The following DENND1A variants were observed in gnomAD, a reference collection of about 807,000 sequenced individuals.
The protein encoded by DENND1A is DENN domain-containing protein 1A.
DENND1A carries 51 observed loss-of-function variants against 113.7 expected under a neutral mutation model. The observed-to-expected ratio is 0.45, with a 90% confidence interval of 0.36 to 0.57. DENND1A has a LOEUF of 0.57. Ranked by LOEUF, DENND1A falls within the 20% of genes least tolerant of loss-of-function variation. The pLI is 0.00. For missense variants in DENND1A, 1,258 were observed against 1,395.9 expected (o/e 0.90, Z 1.57); for synonymous variants, 565 against 570.8 (o/e 0.99, Z 0.14).
chr9:123,404,531 GGGAA>G (rs1231515223), intron 20 of DENND1A, among the ~76,000 whole-genome samples: 9 of 152,098 alleles, frequency 5.9e-5, no homozygotes, highest in African/African-American at 2.2e-4. Flanking sequence ...AGACAGGGAA[GGGAA>G]GCAGGCACAC....
intron 2 of DENND1A, among the ~76,000 whole-genome samples, chr9:123,848,377 G>A (rs1039142305): frequency 6.6e-6 from 1 of 151,502 alleles, no homozygotes; most frequent in Non-Finnish European, 1.5e-5. Context: ...CTGTTATGAT[G>A]ATCAGTGATC....
Position 123,852,233 on chromosome 9 carries a change from A to T in DENND1A, c.88+26718T>A, listed in dbSNP as rs191351492. On this transcript the variant is annotated intron_variant, in intron 2 of 23. Transcript: ENST00000394215. ...CTTGAGAAGCTATACTTAAGAAGTCATATCTAAGTTTCTCATCCTCACCTA... is the reference window on the plus strand; with the variant it reads ...CTTGAGAAGCTATACTTAAGAAGTCTTATCTAAGTTTCTCATCCTCACCTA... Among the ~76,000 whole-genome samples, 106 of 152,292 alleles carry T rather than the reference A, an allele frequency of 7.0e-4. 3 individuals carry two copies. The East Asian group carries it at 0.014, about 20-fold the overall frequency.
chr9:123,675,993 A>C (rs1398782615), intron 6 of DENND1A, among the ~76,000 whole-genome samples: 2 of 152,248 alleles, frequency 1.3e-5, no homozygotes, highest in Non-Finnish European at 2.9e-5. Context: ...CAATAATAGG[A>C]AAATGCTTTG....
At chr9:123,467,624 C>T (rs2049063708) in intron 13 of DENND1A, among the ~76,000 whole-genome samples, 1 of 152,170 alleles carries the variant, frequency 6.6e-6, no homozygotes. Context: ...CACTGCACTC[C>T]AGCGTGGGCA....
intron 8 of DENND1A, among the ~76,000 whole-genome samples, chr9:123,665,789 A>G (rs193102778): frequency 6.6e-5 from 10 of 152,224 alleles, no homozygotes; most frequent in East Asian, 3.8e-4. Flanking sequence ...GGTAAAAACA[A>G]TATCTATTGA....
At chr9:123,490,505 C>T (rs1026759921) in intron 13 of DENND1A, among the ~76,000 whole-genome samples, 2 of 152,054 alleles carry the variant, frequency 1.3e-5, no homozygotes, top group Non-Finnish European at 2.9e-5. Context: ...AGGAGAATCG[C>T]TTGAACCCAG....
At chr9:123,544,209 GA>G (rs1315013386) in intron 13 of DENND1A, among the ~76,000 whole-genome samples, 1 of 152,180 alleles carries the variant, frequency 6.6e-6, no homozygotes. Flanking sequence ...CCCAGGAAAA[GA>G]GGAGGAAGGG....
rs577337951 is a variant in DENND1A at position 123,473,167 on chromosome 9, C to T, written c.994-15270G>A. On this transcript the variant is annotated intron_variant, in intron 13 of 23. Transcript: ENST00000394215. ...CTGGGTCAGAGCAAGCGCTCTGATG[C>T]TTGTTGCATGAATTATTCTACTGCA... 3.3e-5 allele frequency among the ~76,000 whole-genome samples: 5 copies of T among 152,338 alleles called. No homozygotes were observed. The South Asian group carries it at 1.0e-3, about 32-fold the overall frequency.
chr9:123,806,463 G>A (rs951263277), intron 2 of DENND1A, among the ~76,000 whole-genome samples: 1 of 152,008 alleles, frequency 6.6e-6, no homozygotes, highest in Non-Finnish European at 1.5e-5. Context: ...CACCACATTG[G>A]CCAGGTTGGT....
At chr9:123,538,851 T>C (rs796434885) in intron 13 of DENND1A, among the ~76,000 whole-genome samples, 3,516 of 114,532 alleles carry the variant, frequency 0.031, 291 homozygotes, top group Admixed American at 0.059. Context: ...TATATATATA[T>C]ATATATATGA....
intron 2 of DENND1A, among the ~76,000 whole-genome samples, chr9:123,854,427 G>T (rs1843835038): frequency 6.6e-6 from 1 of 152,206 alleles, no homozygotes; most frequent in Non-Finnish European, 1.5e-5. Context: ...TGGGCACGGT[G>T]GTTCACACCT....
intron 13 of DENND1A, among the ~76,000 whole-genome samples, chr9:123,544,424 T>G (rs547015253): frequency 3.9e-5 from 6 of 152,364 alleles, no homozygotes; most frequent in African/African-American, 1.4e-4. Context: ...TTGTATAGAT[T>G]AGAGAAATTG....
In DENND1A at chr9:123,630,414, G is replaced by A. The variant is rs1212092300; in HGVS notation, c.681C>T (p.Tyr227=). ...GCAGATGCGGCGGCAGCACGGGGAT[G>A]TACACGTGCTGCCAGTACATGGGGT... is the stretch of plus-strand genomic sequence containing the variant. ...MLYPMYWQHV[Y]IPVLPPHLLD... Residue 227 remains tyrosine, a synonymous_variant, in exon 10 of 24, where the codon TAC becomes TAT. Coordinates refer to ENST00000394215, the MANE Select transcript of DENND1A (RefSeq NM_001352964.2). 2.5e-6 allele frequency: 4 copies of A among 1,604,524 alleles called. No homozygotes were observed. The highest frequency in any genetic ancestry group is 1.3e-5 in the African/African-American group (1 of 74,782).
At chr9:123,672,238 C>T (rs186895402) in intron 6 of DENND1A, among the ~76,000 whole-genome samples, 4 of 152,100 alleles carry the variant, frequency 2.6e-5, no homozygotes, top group Non-Finnish European at 2.9e-5. Context: ...GTGAATTTAA[C>T]GAAAGGAAAA....
At chr9:123,544,650 C>A (rs957099254) in intron 13 of DENND1A, among the ~76,000 whole-genome samples, 5 of 152,202 alleles carry the variant, frequency 3.3e-5, no homozygotes, top group Admixed American at 3.3e-4. Context: ...TGGGGCTGTG[C>A]ATGCTCTCCA....
At chr9:123,579,967 T>C (rs759764046) in intron 12 of DENND1A, among the ~76,000 whole-genome samples, 26 of 152,196 alleles carry the variant, frequency 1.7e-4, no homozygotes, top group Non-Finnish European at 3.7e-4. Flanking sequence ...AGCTTGCATA[T>C]AGGAGGTCCC....
At chr9:123,472,024 T>C (rs1453137140) in intron 13 of DENND1A, among the ~76,000 whole-genome samples, 6 of 152,104 alleles carry the variant, frequency 3.9e-5, no homozygotes, top group African/African-American at 1.4e-4. Flanking sequence ...CAGCTATAAA[T>C]TGGGGAAACT....
At chr9:123,721,382 G>A (rs556374211) in intron 5 of DENND1A, among the ~76,000 whole-genome samples, 58 of 152,236 alleles carry the variant, frequency 3.8e-4, no homozygotes, top group Non-Finnish European at 6.5e-4. Flanking sequence ...GCCTCTGCCC[G>A]TGCTGTCCAA....
intron 3 of DENND1A, among the ~76,000 whole-genome samples, chr9:123,779,133 T>C (rs533539768): frequency 1.3e-5 from 2 of 152,280 alleles, no homozygotes; most frequent in East Asian, 3.9e-4. Context: ...CTATGGATAA[T>C]GGAGAGCTCT....
Sources: allele counts gnomAD v4.1 joint callset (sites outside exome capture counted in the v4.1 genomes callset), GRCh38; gene constraint gnomAD v4.1.1; transcripts MANE v1.5; gene names NCBI Gene and HGNC (gene_info 2026-07-23, HGNC 2026-07-21).